ASH1L: variants seen among roughly 807,000 people sequenced by gnomAD.
The protein encoded by ASH1L is histone-lysine N-methyltransferase ASH1L.
Under a neutral mutation model 269.0 loss-of-function variants are expected in ASH1L, and 23 were observed. The observed-to-expected ratio is 0.09, with a 90% confidence interval of 0.06 to 0.12. ASH1L has a LOEUF of 0.12. Ranked by LOEUF, ASH1L falls within the 10% of genes least tolerant of loss-of-function variation. The pLI is 1.00. For missense variants in ASH1L, 2,912 were observed against 3,567.8 expected, an observed-to-expected ratio of 0.82 and a Z score of 4.68; for synonymous variants, 1,187 against 1,253.5, an observed-to-expected ratio of 0.95 and a Z score of 1.12.
At position 155,378,665 on chromosome 1, in the gene ASH1L, A is replaced by G. The variant is rs933033854; in HGVS notation, c.6178-117T>C. The G allele has an allele frequency of 3.7e-6, 3 of 804,738 alleles. No homozygotes were observed. In the African/African-American group the frequency reaches 5.2e-5, roughly 14 times the overall value. The allele number at this position is 804,738 out of a possible 1,614,324, so 49.8% of individuals were successfully genotyped here. A position where few individuals can be genotyped will look rare whatever the true frequency, so the allele number is the denominator to read the frequency against. On this transcript the variant is annotated intron_variant, in intron 8 of 27. Transcript: ENST00000392403. ...GTGCTCTGCTCATCTGGAAATATTTACAAGACATTTTGGGTTGGATACATT... is the reference window on the plus strand; with the variant it reads ...GTGCTCTGCTCATCTGGAAATATTTGCAAGACATTTTGGGTTGGATACATT...
chr1:155,513,571 C>CAAAAAAAAAA (rs767517719), intron 2 of ASH1L, among the ~76,000 whole-genome samples: 1 of 83,008 alleles, frequency 1.2e-5, no homozygotes, highest in Non-Finnish European at 2.6e-5. Flanking sequence ...GATCCTGTAT[C>CAAAAAAAAAA]AAAAAAAAAA....
At chr1:155,424,872 G>A (rs760287154) in intron 5 of ASH1L, among the ~76,000 whole-genome samples, 1 of 149,382 alleles carries the variant, frequency 6.7e-6, no homozygotes, top group Non-Finnish European at 1.5e-5. Flanking sequence ...ATGGCATGAT[G>A]TTGGCTCACT....
At chr1:155,486,834 G>A (rs181798985) in intron 2 of ASH1L, among the ~76,000 whole-genome samples, 7 of 150,394 alleles carry the variant, frequency 4.7e-5, no homozygotes, top group South Asian at 2.1e-4. Context: ...ATGATTACAC[G>A]CAATACCATG....
chr1:155,336,354 T>C lies in ASH1L; in HGVS notation c.*1306A>G, dbSNP rs1652309937. On this transcript the variant is annotated 3_prime_UTR_variant, in exon 28 of 28. Transcript: ENST00000392403. ...CAGCAGGTGTGTGTGTGTGTGTGTA[T>C]ATATATACACACACACATATATATA... 4.4e-4 allele frequency: 2 copies of C among 4,564 alleles called. No individual in the cohort carries two copies. Among genetic ancestry groups the C allele is most frequent in the Non-Finnish European group, 9.3e-4 (2 of 2,142 alleles). 0.3% of individuals were successfully genotyped at this position (4,564 alleles called of 1,614,324 possible).
At position 155,395,491 on chromosome 1, in the gene ASH1L, T is replaced by A; in HGVS notation, c.6071A>T (p.Glu2024Val). ...AATGGGCGCTGGAAATAATCCATATTCATGCTCTCCTGGAGTATACTCCAG... is the reference window on the plus strand; with the variant it reads ...AATGGGCGCTGGAAATAATCCATATACATGCTCTCCTGGAGTATACTCCAG... ...EKLEYTPGEH[E>V]YGLFPAPIHV... The change falls in exon 7 of 28, where the codon GAA becomes GTA. Residue 2024 changes from glutamate to valine, a missense_variant. Coordinates refer to ENST00000392403, the MANE Select transcript of ASH1L (RefSeq NM_018489.3). 6.2e-7 allele frequency: 1 copy of A among 1,612,004 alleles called. No individual in the cohort carries two copies. The highest frequency in any genetic ancestry group is 1.7e-4 in the Middle Eastern group (1 of 6,058).
At chr1:155,359,833 C>G (rs1202127763) in intron 13 of ASH1L, among the ~76,000 whole-genome samples, 1 of 151,986 alleles carries the variant, frequency 6.6e-6, no homozygotes, top group Non-Finnish European at 1.5e-5. Flanking sequence ...CTTGCCTCAG[C>G]CTCACAAAGT....
At chr1:155,373,962 C>T (rs559260721) in intron 10 of ASH1L, among the ~76,000 whole-genome samples, 2 of 152,300 alleles carry the variant, frequency 1.3e-5, no homozygotes, top group East Asian at 3.9e-4. Flanking sequence ...GCCAACATGC[C>T]TGGCCTTAAG....
chr1:155,485,433 C>G (rs994733375), intron 2 of ASH1L, among the ~76,000 whole-genome samples: 13 of 152,314 alleles, frequency 8.5e-5, no homozygotes, highest in East Asian at 3.9e-4. Context: ...ATCCTCCCCC[C>G]GCTCAGCCTT....
intron 1 of ASH1L, among the ~76,000 whole-genome samples, chr1:155,531,035 G>A (rs181110745): frequency 6.6e-6 from 1 of 152,114 alleles, no homozygotes; most frequent in Non-Finnish European, 1.5e-5. Flanking sequence ...GGACACACCT[G>A]TAGGCCTAGT....
rs774266652 is a variant in ASH1L, at chr1:155,480,454, T to C, written c.2416A>G (p.Thr806Ala). 22 of 1,613,948 alleles carry C rather than the reference T, an allele frequency of 1.4e-5. No homozygotes were observed. The Admixed American group carries it at 1.7e-4, about 12-fold the overall frequency. ...CACATACTGGAGGATAGTTTGTGAG[T>C]AGCAAAAGACTTATGAGATGGTTTT... ...SEKPSHKSFA[T>A]HKLSSSMCVS... Residue 806 changes from threonine (T) to alanine (A), a missense_variant, in exon 3 of 28, where the codon ACT becomes GCT. Around this residue, in one of 13 missense-constraint regions of ASH1L, gnomAD observed 715 missense variants for 721.0 expected, o/e 0.99. Coordinates refer to ENST00000392403, the MANE Select transcript of ASH1L (RefSeq NM_018489.3).
In ASH1L at chr1:155,562,435, G is replaced by C. The variant is rs1160607401; in HGVS notation, c.-382C>G. On this transcript the variant is annotated 5_prime_UTR_variant, in exon 1 of 28. Coordinates refer to ENST00000392403, the MANE Select transcript of ASH1L (RefSeq NM_018489.3). ...CAAAATGGCGGCGGGAGCGGCGGCG[G>C]CGGCGGCGGCAGCAGCAGAGTGGCG... 4.1e-6 allele frequency: 6 copies of C among 1,473,158 alleles called. No individual in the cohort carries two copies. Among genetic ancestry groups the C allele is most frequent in the Non-Finnish European group, 4.6e-6 (5 of 1,087,532 alleles). The allele number at this position is 1,473,158 out of a possible 1,614,324, so 91.3% of individuals were successfully genotyped here. A position where few individuals can be genotyped will look rare whatever the true frequency, so the allele number is the denominator to read the frequency against.
intron 10 of ASH1L, among the ~76,000 whole-genome samples, chr1:155,373,222 CA>C (rs112837083): frequency 0.056 from 7,661 of 136,750 alleles, 657 homozygotes; most frequent in African/African-American, 0.19. Context: ...AAAAAAAAAA[CA>C]AAAAAAAAAC....
At chr1:155,460,381 G>A (rs368387386) in intron 3 of ASH1L, among the ~76,000 whole-genome samples, 16 of 152,234 alleles carry the variant, frequency 1.1e-4, no homozygotes, top group African/African-American at 3.9e-4. Context: ...AGGCCGAGGC[G>A]GGTGGATCAC....
rs1204304086 is a variant in ASH1L at position 155,336,842 on chromosome 1, T to C, written c.*818A>G. On this transcript the variant is annotated 3_prime_UTR_variant, in exon 28 of 28. Coordinates refer to ENST00000392403, the MANE Select transcript of ASH1L (RefSeq NM_018489.3). ...GTTTTTAAATGATTTTATTTTGAACTGAATCTCCATTTGCACAGCACAGCA... is the reference window on the plus strand; with the variant it reads ...GTTTTTAAATGATTTTATTTTGAACCGAATCTCCATTTGCACAGCACAGCA... 6.6e-6 allele frequency: 1 copy of C among 152,344 alleles called. No individual in the cohort carries two copies. Among genetic ancestry groups the C allele is most frequent in the Non-Finnish European group, 1.5e-5 (1 of 68,032 alleles). 9.4% of individuals were successfully genotyped at this position (152,344 alleles called of 1,614,324 possible).
At chr1:155,467,261 G>C (rs1378827260) in intron 3 of ASH1L, among the ~76,000 whole-genome samples, 3 of 152,156 alleles carry the variant, frequency 2.0e-5, no homozygotes, top group Non-Finnish European at 4.4e-5. Context: ...GCTCATCCAA[G>C]TCAGAAACTC....
intron 1 of ASH1L, among the ~76,000 whole-genome samples, chr1:155,559,183 AAAAG>A (rs1411296761): frequency 6.6e-6 from 1 of 152,112 alleles, no homozygotes; most frequent in East Asian, 1.9e-4. Context: ...AATATATCCC[AAAAG>A]AAGGTAAGAA....
chr1:155,401,918 G>A (rs1350553691), intron 6 of ASH1L, among the ~76,000 whole-genome samples: 1 of 152,004 alleles, frequency 6.6e-6, no homozygotes, highest in Admixed American at 6.6e-5. Context: ...GTGAAACCCC[G>A]CCTCTACTAA....
chr1:155,486,686 A>G (rs1020343105), intron 2 of ASH1L, among the ~76,000 whole-genome samples: 2 of 152,310 alleles, frequency 1.3e-5, no homozygotes, highest in South Asian at 2.1e-4. Context: ...AAAATTAAAA[A>G]TGAAAAAACA....
chr1:155,389,640 T>G (rs1657749090), intron 7 of ASH1L, among the ~76,000 whole-genome samples: 1 of 151,766 alleles, frequency 6.6e-6, no homozygotes, highest in Non-Finnish European at 1.5e-5. Context: ...GCCACTGCAC[T>G]CCAGCCTGGG....
Sources: allele counts gnomAD v4.1 joint callset (sites outside exome capture counted in the v4.1 genomes callset), GRCh38; gene constraint gnomAD v4.1.1; regional missense constraint gnomAD v4.1.1; transcripts MANE v1.5; gene names NCBI Gene and HGNC (gene_info 2026-07-23, HGNC 2026-07-21).